Variants in LY96 observed in about 807,000 individuals in gnomAD.
LY96 encodes lymphocyte antigen 96.
Under a neutral mutation model 18.9 loss-of-function variants are expected in LY96, and 18 were observed. The ratio of observed to expected loss-of-function variants is 0.95; its 90% CI spans 0.66 to 1.41. The LOEUF is 1.41. Among genes scored for constraint, LY96 ranks in the 40% most tolerant of loss-of-function variants. LY96 has a pLI of 0.00. For missense variants in LY96, 175 were observed against 182.4 expected (o/e 0.96, Z 0.23); for synonymous variants, 66 against 62.6 (o/e 1.06, Z -0.26).
chr8:74,045,262 G>A, the LY96 span, among the ~76,000 whole-genome samples: 1 of 152,208 alleles, frequency 6.6e-6, no homozygotes. Context: ...ATGGGAAAAA[G>A]CTGTTTCATG....
At chr8:74,088,141 AATAGAATAG>A in the LY96 span, among the ~76,000 whole-genome samples, 1 of 150,498 alleles carries the variant, frequency 6.6e-6, no homozygotes, top group Non-Finnish European at 1.5e-5. Flanking sequence ...AATAGAATAG[AATAGAATAG>A]AAAAGAATAG....
At chr8:74,001,937 AC>A (rs1460540234) in intron 1 of LY96, among the ~76,000 whole-genome samples, 1 of 63,492 alleles carries the variant, frequency 1.6e-5, no homozygotes, top group East Asian at 4.4e-4. Context: ...TTTTCAACCA[AC>A]CTTCCTTCCT....
intron 3 of LY96, among the ~76,000 whole-genome samples, chr8:74,014,806 C>T (rs994704546): frequency 2.8e-5 from 4 of 143,990 alleles, no homozygotes; most frequent in African/African-American, 1.1e-4. Flanking sequence ...CATAATCTCA[C>T]CAGTTTACAC....
At chr8:74,066,330 A>G in the LY96 span, among the ~76,000 whole-genome samples, 5 of 152,158 alleles carry the variant, frequency 3.3e-5, 1 homozygote, top group Middle Eastern at 0.017. Context: ...GACCCCACAT[A>G]TTAATAGTTT....
chr8:74,064,086 T>G, the LY96 span, among the ~76,000 whole-genome samples: 1 of 152,142 alleles, frequency 6.6e-6, no homozygotes, highest in Non-Finnish European at 1.5e-5. Flanking sequence ...TAGCCTTTGT[T>G]TCTAGCCAAG....
At chr8:74,056,006 A>G in the LY96 span, 2 of 154,060 alleles carry the variant, frequency 1.3e-5, no homozygotes, top group Admixed American at 1.3e-4. Flanking sequence ...GTTCAATGTA[A>G]GAAATATTGG....
At chr8:74,095,468 CTA>C in the LY96 span, among the ~76,000 whole-genome samples, 1 of 152,284 alleles carries the variant, frequency 6.6e-6, no homozygotes, top group Non-Finnish European at 1.5e-5. Flanking sequence ...TTGAAGTTTT[CTA>C]TCCTTCCTGT....
At chr8:74,004,543 C>T (rs1816369278) in intron 1 of LY96, among the ~76,000 whole-genome samples, 1 of 152,090 alleles carries the variant, frequency 6.6e-6, no homozygotes, top group Non-Finnish European at 1.5e-5. Context: ...AGGAGTCTTT[C>T]AATTAGTTTG....
intron 3 of LY96, among the ~76,000 whole-genome samples, chr8:74,014,152 A>G (rs1177061531): frequency 6.6e-6 from 1 of 151,934 alleles, no homozygotes; most frequent in Non-Finnish European, 1.5e-5. Context: ...GGTAAAATCA[A>G]GACCCTCTTG....
At chr8:74,098,860 T>C in the LY96 span, among the ~76,000 whole-genome samples, 1 of 152,204 alleles carries the variant, frequency 6.6e-6, no homozygotes, top group Non-Finnish European at 1.5e-5. Context: ...TCTAAGAGAT[T>C]AATTTTCTAA....
the LY96 span, among the ~76,000 whole-genome samples, chr8:74,055,125 C>T: frequency 6.6e-6 from 1 of 152,062 alleles, no homozygotes; most frequent in Non-Finnish European, 1.5e-5. Context: ...CCAGGTTGGT[C>T]TCAAACTCCT....
chr8:73,996,385 C>CTTTCTTTCT (rs1816141324), intron 1 of LY96, among the ~76,000 whole-genome samples: 1 of 41,254 alleles, frequency 2.4e-5, no homozygotes, highest in East Asian at 4.9e-4. Flanking sequence ...TTCTTTCTTT[C>CTTTCTTTCT]TTTCTTTCTT....
At chr8:74,082,014 T>C in the LY96 span, among the ~76,000 whole-genome samples, 1 of 152,242 alleles carries the variant, frequency 6.6e-6, no homozygotes, top group South Asian at 2.1e-4. Flanking sequence ...TACTCTTCCC[T>C]GGCCATTCCA....
At chr8:74,003,448 T>C (rs956004422) in intron 1 of LY96, among the ~76,000 whole-genome samples, 1 of 152,228 alleles carries the variant, frequency 6.6e-6, no homozygotes. Context: ...TGAACATTGC[T>C]ATGCAACCCA....
chr8:74,054,520 T>TTTCCTTCCTTCC, the LY96 span, among the ~76,000 whole-genome samples: 186 of 118,418 alleles, frequency 1.6e-3, 2 homozygotes, highest in African/African-American at 4.7e-3. Flanking sequence ...TTTTCTTTCT[T>TTTCCTTCCTTCC]TTCCTTCCTT....
rs770004242 is a variant in LY96 at position 74,010,020 on chromosome 8, A to G, written c.222A>G (p.Leu74=). The change falls in exon 3 of 5, where the codon TTA becomes TTG. Residue 74 remains leucine (L), a synonymous_variant. Transcript: ENST00000284818. ...TTAAAGGGAGAGATTTAAAGCAATTATATTTCAATCTCTATATAACTGTCA... is the reference window on the plus strand; with the variant it reads ...TTAAAGGGAGAGATTTAAAGCAATTGTATTTCAATCTCTATATAACTGTCA... ...FYIPRRDLKQ[L]YFNLYITVNT... 1.9e-6 allele frequency: 3 copies of G among 1,603,398 alleles called. No individual in the cohort carries two copies. The highest frequency in any genetic ancestry group is 2.6e-6 in the Non-Finnish European group (3 of 1,170,354).
At chr8:74,039,854 A>G in the LY96 span, among the ~76,000 whole-genome samples, 5 of 152,222 alleles carry the variant, frequency 3.3e-5, no homozygotes, top group Admixed American at 2.0e-4. Flanking sequence ...ACAGCACCAC[A>G]GGATGGGGTT....
At chr8:74,068,089 A>AATATATATAT in the LY96 span, among the ~76,000 whole-genome samples, 214 of 67,906 alleles carry the variant, frequency 3.2e-3, 16 homozygotes, top group African/African-American at 0.019. Context: ...AAAAAAAAAA[A>AATATATATAT]ATATATATAT....
At chr8:74,051,192 G>A in the LY96 span, among the ~76,000 whole-genome samples, 1 of 152,174 alleles carries the variant, frequency 6.6e-6, no homozygotes, top group East Asian at 1.9e-4. Context: ...GTAATTCAAA[G>A]CAAGGGAAGT....
Sources: gnomAD v4.1 joint callset for allele counts (sites outside exome capture counted in the v4.1 genomes callset) on GRCh38, gnomAD v4.1.1 for gene constraint, MANE v1.5 for transcripts, NCBI Gene and HGNC (gene_info 2026-07-23, HGNC 2026-07-21) for gene names.